Variants in HSPA4 observed in about 807,000 individuals in gnomAD.
The protein encoded by HSPA4 is heat shock 70 kDa protein 4.
Under a neutral mutation model 106.2 loss-of-function variants are expected in HSPA4, and 25 were observed. The observed-to-expected ratio is 0.24, with a 90% CI of 0.17 to 0.33. The LOEUF (loss-of-function observed/expected upper bound fraction) is 0.33. HSPA4 is among the 10% of genes least tolerant of loss of function. The probability of loss-of-function intolerance (pLI) is 1.00; values close to 1 mark genes in which losing one functional copy is unlikely to be tolerated. For missense variants in HSPA4, 841 were observed against 996.0 expected, an observed-to-expected ratio of 0.84 and a Z score of 2.10; for synonymous variants, 332 against 333.6, an observed-to-expected ratio of 1.00 and a Z score of 0.05.
At chr5:133,055,157 A>G (rs1003601047) in intron 1 of HSPA4, among the ~76,000 whole-genome samples, 1 of 152,142 alleles carries the variant, frequency 6.6e-6, no homozygotes, top group African/African-American at 2.4e-5. Flanking sequence ...TTTTCCTTAC[A>G]TGTTTTCTTT....
chr5:133,103,401 C>T (rs1326887535), intron 17 of HSPA4, among the ~76,000 whole-genome samples: 1 of 151,208 alleles, frequency 6.6e-6, no homozygotes, highest in Non-Finnish European at 1.5e-5. Flanking sequence ...TGTAGTCTCG[C>T]TCTGTTGCCC....
intron 1 of HSPA4, among the ~76,000 whole-genome samples, chr5:133,063,288 T>C (rs573368828): frequency 5.0e-5 from 7 of 140,526 alleles, no homozygotes; most frequent in Non-Finnish European, 1.1e-4. Context: ...AATTTTTTTG[T>C]ATTTTTTTTT....
chr5:133,052,735 C>T (rs942224212), intron 1 of HSPA4: 1 of 187,838 alleles, frequency 5.3e-6, no homozygotes, highest in Non-Finnish European at 1.1e-5. Context: ...TTGAGTCCAA[C>T]AGAAAGCTCA....
rs140572827 is a variant in HSPA4 at position 133,104,613 on chromosome 5, C to T, written c.*177C>T. 5.0e-6 allele frequency: 3 copies of T among 597,346 alleles called. No individual in the cohort carries two copies. The highest frequency in any genetic ancestry group is 1.9e-5 in the African/African-American group (1 of 53,654). 37.0% of individuals were successfully genotyped at this position (597,346 alleles called of 1,614,324 possible). On this transcript the variant is annotated 3_prime_UTR_variant, in exon 19 of 19. Transcript: ENST00000304858. ...ATTTTCACTTCTAAATAGTTAGATA[C>T]AGAAATTAAGTGCATTGTATCTTTT...
intron 1 of HSPA4, among the ~76,000 whole-genome samples, chr5:133,053,847 A>G (rs374921891): frequency 3.8e-4 from 58 of 151,588 alleles, no homozygotes; most frequent in African/African-American, 1.4e-3. Context: ...TTTAGTAGAG[A>G]CGGGGTGTTG....
intron 2 of HSPA4, among the ~76,000 whole-genome samples, chr5:133,067,152 AT>A (rs1031915981): frequency 6.6e-6 from 1 of 152,340 alleles, no homozygotes; most frequent in Non-Finnish European, 1.5e-5. Flanking sequence ...GAAAATACTT[AT>A]GCAAGTATAA....
In HSPA4 at chr5:133,103,969, G is replaced by A. The variant is rs979935890; in HGVS notation, c.2262G>A (p.Lys754=). The change falls in exon 18 of 19, where the codon AAG becomes AAA. Residue 754 remains lysine (K), a synonymous_variant. Coordinates refer to ENST00000304858, the MANE Select transcript of HSPA4 (RefSeq NM_002154.4). ...ATAACAAGCTAAATCTGCAGAACAA[G>A]CAGAGTTTGACCATGGATCCAGTTG... ...WMNNKLNLQN[K]QSLTMDPVVK... is the part of the protein sequence containing the mutation. 7 of 1,613,998 alleles carry A rather than the reference G, an allele frequency of 4.3e-6. No individual in the cohort carries two copies. Among genetic ancestry groups the A allele is most frequent in the Non-Finnish European group, 5.9e-6 (7 of 1,179,950 alleles).
At chr5:133,084,694 T>A (rs952954469) in intron 7 of HSPA4, among the ~76,000 whole-genome samples, 3 of 152,046 alleles carry the variant, frequency 2.0e-5, no homozygotes, top group African/African-American at 4.8e-5. Flanking sequence ...GGTCTCAAAC[T>A]CCCGACTTGA....
At chr5:133,076,480 C>T (rs918434775) in intron 6 of HSPA4, among the ~76,000 whole-genome samples, 174 bp from the exon 7 acceptor site, 2 of 152,054 alleles carry the variant, frequency 1.3e-5, no homozygotes, top group African/African-American at 4.8e-5. Context: ...ATTATAGTGC[C>T]TATTTTTACA....
intron 8 of HSPA4, 96 bp downstream of exon 8, chr5:133,086,954 T>C (rs1765585752): frequency 1.1e-6 from 1 of 945,842 alleles, no homozygotes. Context: ...TAGAAATTTT[T>C]ATTGTATGAA....
chr5:133,095,930 AT>A (rs1581480492), intron 13 of HSPA4, among the ~76,000 whole-genome samples, 167 bp from the exon 14 acceptor site: 1 of 152,098 alleles, frequency 6.6e-6, no homozygotes, highest in East Asian at 1.9e-4. Flanking sequence ...ACCTCATTGT[AT>A]TTACTTATTT....
intron 4 of HSPA4, among the ~76,000 whole-genome samples, chr5:133,071,440 C>T (rs1296924211): frequency 6.6e-6 from 1 of 151,984 alleles, no homozygotes; most frequent in Non-Finnish European, 1.5e-5. Flanking sequence ...AGACTGAGAC[C>T]CTGTCTCAAA....
At chr5:133,070,747 CA>C (rs1463601126) in intron 4 of HSPA4, among the ~76,000 whole-genome samples, 1 of 151,934 alleles carries the variant, frequency 6.6e-6, no homozygotes, top group Non-Finnish European at 1.5e-5. Context: ...ACTAAAAATA[CA>C]AAAATTAGTT....
At chr5:133,066,282 G>C (rs958913213) in intron 2 of HSPA4, among the ~76,000 whole-genome samples, 4 of 152,130 alleles carry the variant, frequency 2.6e-5, no homozygotes, top group African/African-American at 9.7e-5. Flanking sequence ...AAGGACTTCT[G>C]TGTGTTCCCT....
In HSPA4 at chr5:133,097,190, G is replaced by A. The variant is rs36009159; in HGVS notation, c.1833G>A (p.Glu611=). ...EGKMIMQDKL[E]KERNDAKNAV... ...AGATGATCATGCAGGATAAACTGGAGAAGGAGCGGAATGATGCTAAGAACG... is the reference window on the plus strand; with the variant it reads ...AGATGATCATGCAGGATAAACTGGAAAAGGAGCGGAATGATGCTAAGAACG... The change falls in exon 15 of 19, where the codon GAG becomes GAA. Residue 611 remains glutamate, a synonymous_variant. Coordinates refer to ENST00000304858, the MANE Select transcript of HSPA4 (RefSeq NM_002154.4). 1,444 of 1,611,440 alleles carry A rather than the reference G, an allele frequency of 9.0e-4. 2 individuals carry two copies. Among genetic ancestry groups the A allele is most frequent in the Non-Finnish European group, 1.1e-3 (1,261 of 1,177,788 alleles).
At chr5:133,101,473 TTTAGTACTGTGTATCTCCA>T (rs1765784194) in intron 16 of HSPA4, 1 of 241,878 alleles carries the variant, frequency 4.1e-6, no homozygotes. Context: ...ATACTTTATA[TTTAGTACTGTGTATCTCCA>T]TTAGGAGGCA....
At chr5:133,057,516 G>A (rs762106545) in intron 1 of HSPA4, among the ~76,000 whole-genome samples, 1 of 152,092 alleles carries the variant, frequency 6.6e-6, no homozygotes, top group Non-Finnish European at 1.5e-5. Flanking sequence ...ATGCCACCGC[G>A]CCTAGCTATG....
intron 13 of HSPA4, among the ~76,000 whole-genome samples, chr5:133,093,748 C>G (rs1053969952): frequency 1.3e-5 from 2 of 152,132 alleles, no homozygotes; most frequent in African/African-American, 4.8e-5. Flanking sequence ...ACTTCAGCAC[C>G]CTGGGATTAC....
intron 13 of HSPA4, among the ~76,000 whole-genome samples, chr5:133,094,821 A>T (rs1204347729): frequency 6.6e-6 from 1 of 152,192 alleles, no homozygotes. Flanking sequence ...AAATGACATT[A>T]AGGTTTTGCT....
Sources: gnomAD v4.1 joint callset for allele counts (sites outside exome capture counted in the v4.1 genomes callset) on GRCh38, gnomAD v4.1.1 for gene constraint, MANE v1.5 for transcripts, NCBI Gene and HGNC (gene_info 2026-07-23, HGNC 2026-07-21) for gene names.